TOP6BL: variants seen among roughly 807,000 people sequenced by gnomAD.
The protein encoded by TOP6BL is TOP6B like initiator of meiotic double strand breaks.
At chr11:66,838,354 T>C in the TOP6BL span, 2 of 1,612,850 alleles carry the variant, frequency 1.2e-6, no homozygotes, top group East Asian at 4.5e-5. Flanking sequence ...TTAGGACTTC[T>C]AATTTTTTTA....
chr11:66,800,954 A>C, the TOP6BL span: 1 of 1,510,556 alleles, frequency 6.6e-7, no homozygotes, highest in African/African-American at 1.4e-5. Context: ...GGTAGTAGTC[A>C]TGGGCCAAAA....
At chr11:66,759,770 G>A in the TOP6BL span, among the ~76,000 whole-genome samples, 2 of 152,152 alleles carry the variant, frequency 1.3e-5, no homozygotes, top group African/African-American at 4.8e-5. Context: ...TCTTAGTAGA[G>A]ATGGGGTTTC....
the TOP6BL span, among the ~76,000 whole-genome samples, chr11:66,784,978 G>A: frequency 8.3e-5 from 2 of 24,040 alleles, no homozygotes; most frequent in Non-Finnish European, 1.9e-4. Flanking sequence ...TTTTTTTTTT[G>A]AGAGTCTCGC....
chr11:66,792,481 A>G, the TOP6BL span, among the ~76,000 whole-genome samples: 1 of 152,208 alleles, frequency 6.6e-6, no homozygotes, highest in Admixed American at 6.5e-5. Flanking sequence ...ATGATGGATT[A>G]TATATTACCC....
At chr11:66,748,450 G>A in the TOP6BL span, 13 of 1,548,196 alleles carry the variant, frequency 8.4e-6, no homozygotes, top group Non-Finnish European at 1.1e-5. Flanking sequence ...TAGAAGGGCA[G>A]CTAGTGATTT....
the TOP6BL span, among the ~76,000 whole-genome samples, chr11:66,791,477 A>G: frequency 1.3e-5 from 2 of 152,190 alleles, no homozygotes; most frequent in South Asian, 2.1e-4. Context: ...ATATTTATAC[A>G]TCTGTACTTC....
chr11:66,755,320 T>A, the TOP6BL span, among the ~76,000 whole-genome samples: 2 of 152,022 alleles, frequency 1.3e-5, no homozygotes, highest in Admixed American at 6.6e-5. Context: ...GGGGTTTCAC[T>A]ATGTTGGCCA....
chr11:66,769,435 G>C, the TOP6BL span, among the ~76,000 whole-genome samples: 3 of 145,082 alleles, frequency 2.1e-5, no homozygotes, highest in East Asian at 6.0e-4. Context: ...AAAGTGAAAA[G>C]ATCAATTATA....
chr11:66,824,824 A>T, the TOP6BL span, among the ~76,000 whole-genome samples: 1 of 151,576 alleles, frequency 6.6e-6, no homozygotes, highest in Admixed American at 6.6e-5. Flanking sequence ...TATGTGCCAC[A>T]TTTTCTTAAT....
At chr11:66,744,780 C>A in the TOP6BL span, 3 of 1,245,204 alleles carry the variant, frequency 2.4e-6, no homozygotes, top group Middle Eastern at 2.9e-4. Context: ...TGGACTCGGG[C>A]GTGGGCACTG....
the TOP6BL span, chr11:66,843,387 G>A: frequency 7.0e-7 from 1 of 1,430,028 alleles, no homozygotes; most frequent in Non-Finnish European, 9.1e-7. Flanking sequence ...GTGGAGCCGC[G>A]CCGCGGCCTG....
chr11:66,790,104 CTACAAAAAA>C, the TOP6BL span, among the ~76,000 whole-genome samples: 1 of 152,022 alleles, frequency 6.6e-6, no homozygotes, highest in African/African-American at 2.4e-5. Context: ...AATCCCGTCT[CTACAAAAAA>C]TACAAAAAAT....
chr11:66,749,896 T>C, the TOP6BL span, among the ~76,000 whole-genome samples: 1 of 152,276 alleles, frequency 6.6e-6, no homozygotes. Flanking sequence ...TATATTTTTT[T>C]TGGGTAGGAA....
At chr11:66,797,228 G>T in the TOP6BL span, among the ~76,000 whole-genome samples, 1 of 151,488 alleles carries the variant, frequency 6.6e-6, no homozygotes, top group Non-Finnish European at 1.5e-5. Context: ...TCAAACTCCT[G>T]ACCTCAGGTG....
At chr11:66,752,133 CCTCT>C in the TOP6BL span, among the ~76,000 whole-genome samples, 1 of 150,858 alleles carries the variant, frequency 6.6e-6, no homozygotes, top group Non-Finnish European at 1.5e-5. Flanking sequence ...TTCCTGAATC[CCTCT>C]CTCTCTTTTT....
At chr11:66,815,878 T>C in the TOP6BL span, 4 of 554,940 alleles carry the variant, frequency 7.2e-6, no homozygotes, top group African/African-American at 5.6e-5. Flanking sequence ...TGTGAGTCAT[T>C]ATGATTTGCT....
At chr11:66,780,876 G>A in the TOP6BL span, among the ~76,000 whole-genome samples, 4 of 152,182 alleles carry the variant, frequency 2.6e-5, no homozygotes, top group South Asian at 4.1e-4. Flanking sequence ...GCCACCGCGC[G>A]TGGACCTGGC....
At chr11:66,843,476 T>A in the TOP6BL span, 1 of 1,444,504 alleles carries the variant, frequency 6.9e-7, no homozygotes, top group Non-Finnish European at 9.0e-7. Context: ...TGGGCGGGGA[T>A]GGGCTGCGAC....
At chr11:66,759,741 A>G in the TOP6BL span, among the ~76,000 whole-genome samples, 3 of 152,014 alleles carry the variant, frequency 2.0e-5, no homozygotes, top group African/African-American at 4.8e-5. Flanking sequence ...ATGCTGCCAC[A>G]CCCAGCTAAT....
Sources: allele counts gnomAD v4.1 joint callset (sites outside exome capture counted in the v4.1 genomes callset), GRCh38; gene constraint gnomAD v4.1.1; transcripts MANE v1.5; gene names NCBI Gene and HGNC (gene_info 2026-07-23, HGNC 2026-07-21).